CRADD: variants seen among roughly 807,000 people sequenced by gnomAD.
CRADD encodes CARD and death domain containing adaptor protein, also known as death domain-containing protein CRADD.
Under a neutral mutation model 15.5 loss-of-function variants are expected in CRADD, and 9 were observed. The ratio of observed to expected loss-of-function variants is 0.58; its 90% CI spans 0.35 to 1.01. The LOEUF (loss-of-function observed/expected upper bound fraction) is 1.01. Ranked by LOEUF, CRADD falls within the 50% of genes least tolerant of loss-of-function variation. The probability of loss-of-function intolerance (pLI) is 0.02; values close to 1 mark genes in which losing one functional copy is unlikely to be tolerated. For synonymous variants in CRADD, 118 were observed against 107.6 expected (o/e 1.10, Z -0.60); for missense variants, 227 against 250.3 (o/e 0.91, Z 0.63).
At chr12:93,695,836 C>T (rs2136824263) in intron 2 of CRADD, among the ~76,000 whole-genome samples, 1 of 152,258 alleles carries the variant, frequency 6.6e-6, no homozygotes, top group South Asian at 2.1e-4. Context: ...GCGGAAGTTG[C>T]AGTGAGCCAA....
At chr12:93,781,691 A>G (rs1018242049) in intron 2 of CRADD, among the ~76,000 whole-genome samples, 2 of 152,248 alleles carry the variant, frequency 1.3e-5, no homozygotes, top group African/African-American at 4.8e-5. Context: ...AACGAGGCTG[A>G]ACCAGAAGCT....
chr12:93,877,566 T>C (rs1335950640), intron 2 of CRADD, among the ~76,000 whole-genome samples: 3 of 152,242 alleles, frequency 2.0e-5, no homozygotes, highest in Non-Finnish European at 2.9e-5. Context: ...GTGCACAAGA[T>C]GCAGTCCTTC....
intron 2 of CRADD, among the ~76,000 whole-genome samples, chr12:93,762,877 C>A (rs1181611088): frequency 6.6e-6 from 1 of 152,114 alleles, no homozygotes; most frequent in East Asian, 1.9e-4. Flanking sequence ...AAGTCAACTT[C>A]CCTGTGGGGA....
At chr12:93,839,869 C>T (rs1012736664) in intron 2 of CRADD, among the ~76,000 whole-genome samples, 1 of 152,164 alleles carries the variant, frequency 6.6e-6, no homozygotes, top group Non-Finnish European at 1.5e-5. Flanking sequence ...CAGCTTGGAT[C>T]ACGTCTCCTT....
downstream of CRADD, among the ~76,000 whole-genome samples, chr12:93,851,643 G>C (rs1958222893): frequency 1.3e-5 from 2 of 152,208 alleles, no homozygotes; most frequent in African/African-American, 4.8e-5. Flanking sequence ...TGAAAGCTGA[G>C]GGCACTGTGG....
chr12:93,877,328 G>A (rs911895393), intron 2 of CRADD, among the ~76,000 whole-genome samples: 5 of 152,174 alleles, frequency 3.3e-5, no homozygotes, highest in Non-Finnish European at 5.9e-5. Context: ...TAACCACTAC[G>A]TGGCTATTGC....
At chr12:93,892,279 G>A (rs997315302) in intron 2 of CRADD, among the ~76,000 whole-genome samples, 2 of 152,150 alleles carry the variant, frequency 1.3e-5, no homozygotes, top group African/African-American at 4.8e-5. Flanking sequence ...TTGATATTTT[G>A]TTCATCCTGG....
At chr12:93,795,196 G>T (rs1184839139) in intron 2 of CRADD, among the ~76,000 whole-genome samples, 1 of 152,160 alleles carries the variant, frequency 6.6e-6, no homozygotes, top group African/African-American at 2.4e-5. Context: ...CATATAGAAG[G>T]TTAATGTTTA....
intron 2 of CRADD, among the ~76,000 whole-genome samples, chr12:93,757,449 G>A (rs1956904023): frequency 6.6e-6 from 1 of 152,180 alleles, no homozygotes; most frequent in Admixed American, 6.5e-5. Context: ...AAATACAAAG[G>A]AAGTTTAATG....
At chr12:93,736,952 T>G (rs61928996) in intron 2 of CRADD, among the ~76,000 whole-genome samples, 5,743 of 152,278 alleles carry the variant, frequency 0.038, 169 homozygotes, top group South Asian at 0.067. Context: ...TCAAGGAACT[T>G]TGAGTTGAGC....
intron 2 of CRADD, among the ~76,000 whole-genome samples, chr12:93,879,844 C>G (rs535767936): frequency 6.6e-6 from 1 of 152,190 alleles, no homozygotes; most frequent in Admixed American, 6.5e-5. Context: ...ACTGGCCTGG[C>G]ACTTCGACTA....
intron 2 of CRADD, among the ~76,000 whole-genome samples, chr12:93,763,229 C>T (rs999532886): frequency 6.6e-6 from 1 of 152,214 alleles, no homozygotes; most frequent in Non-Finnish European, 1.5e-5. Flanking sequence ...TATTATGCTA[C>T]CCCTCTGGAT....
rs572247997 is a variant in CRADD at position 93,828,471 on chromosome 12, A to C, written c.299-21499A>C. Among the ~76,000 whole-genome samples, 24 of 152,312 alleles carry C rather than the reference A, an allele frequency of 1.6e-4. No individual in the cohort carries two copies. The South Asian group carries it at 5.0e-3, about 32-fold the overall frequency. The stretch of plus-strand genomic sequence containing the variant: ...CCATTTGGGTCTATGATCCATGTTG[A>C]ATTAATTTTTGTGTATGATATGGGG... On this transcript the variant is annotated intron_variant, in intron 2 of 2. Coordinates refer to ENST00000332896, the MANE Select transcript of CRADD (RefSeq NM_003805.5).
intron 2 of CRADD, among the ~76,000 whole-genome samples, chr12:93,880,186 T>C (rs7977439): frequency 0.027 from 4,119 of 152,258 alleles, 155 homozygotes; most frequent in African/African-American, 0.093. Flanking sequence ...AGGTAATGTC[T>C]AGGACTTAGT....
At chr12:93,780,461 A>C (rs1957193757) in intron 2 of CRADD, among the ~76,000 whole-genome samples, 1 of 152,198 alleles carries the variant, frequency 6.6e-6, no homozygotes, top group Non-Finnish European at 1.5e-5. Flanking sequence ...TTAATGACAA[A>C]CCTGAAGTTA....
exon 3 of CRADD, chr12:93,894,333 C>A (rs1321765719): frequency 3.5e-6 from 2 of 576,608 alleles, no homozygotes; most frequent in African/African-American, 1.9e-5. Context: ...GCTGCTAAAC[C>A]TACAATGCTC....
chr12:93,752,734 G>A lies in CRADD; in HGVS notation c.298+73662G>A, dbSNP rs148910913. Among the ~76,000 whole-genome samples, 348 of 152,276 alleles carry A rather than the reference G, an allele frequency of 2.3e-3. 1 individual carries two copies. Among genetic ancestry groups the A allele is most frequent in the African/African-American group, 7.9e-3 (328 of 41,538 alleles). On this transcript the variant is annotated intron_variant, in intron 2 of 2. Transcript: ENST00000332896. ...CTCACAGTTCCACATGGCAGGGGGG[G>A]CCTCATAATCATGGCAGAAGGTGAA...
chr12:93,860,954 C>T lies in CRADD; in HGVS notation c.299-33096C>T, dbSNP rs114597150. Among the ~76,000 whole-genome samples, 412 of 152,322 alleles carry T rather than the reference C, an allele frequency of 2.7e-3. 3 individuals are homozygous for T. The highest frequency in any genetic ancestry group is 9.2e-3 in the African/African-American group (383 of 41,568). On this transcript the variant is annotated intron_variant, in intron 2 of 2. Transcript: ENST00000548483. ...TAAAAGCCCCCTCCTCTCCTCCCCT[C>T]GGAGCGCCAGGCTGCTTGTGGTCTG...
intron 2 of CRADD, among the ~76,000 whole-genome samples, chr12:93,686,306 A>C (rs1246079824): frequency 5.9e-4 from 86 of 146,634 alleles, no homozygotes; most frequent in Admixed American, 1.3e-3. Context: ...ATCCCCCCCA[A>C]AAAAAAAAAA....
Sources: allele counts gnomAD v4.1 joint callset (sites outside exome capture counted in the v4.1 genomes callset), GRCh38; gene constraint gnomAD v4.1.1; transcripts MANE v1.5; gene names NCBI Gene and HGNC (gene_info 2026-07-23, HGNC 2026-07-21).